Variants in RBFOX1 observed in about 807,000 individuals in gnomAD.
RBFOX1 encodes the protein RNA binding fox-1 homolog 1.
In RBFOX1, 8 loss-of-function variants were observed where a neutral mutation model predicts 57.7. That is an observed-to-expected ratio of 0.14 (90% CI 0.08 to 0.25). The LOEUF (loss-of-function observed/expected upper bound fraction) is 0.25, where lower values mean the gene tolerates loss of function less well. Among genes scored for constraint, RBFOX1 ranks in the 10% least tolerant of loss-of-function variants. The pLI is 1.00. For missense variants in RBFOX1, 611 were observed against 548.5 expected (o/e 1.11, Z -1.14); for synonymous variants, 326 against 222.4 (o/e 1.47, Z -4.15).
chr16:6,955,685 G>T (rs539502472), intron 3 of RBFOX1, among the ~76,000 whole-genome samples: 46 of 100,592 alleles, frequency 4.6e-4, no homozygotes, highest in African/African-American at 1.5e-3. Flanking sequence ...ATTTAGGTAT[G>T]TATGTATTTA....
intron 1 of RBFOX1, among the ~76,000 whole-genome samples, chr16:6,282,712 G>A (rs1391845497): frequency 1.3e-5 from 2 of 152,084 alleles, no homozygotes; most frequent in African/African-American, 4.8e-5. Context: ...CAAAGGACAG[G>A]AACTCATTCC....
At chr16:5,874,814 G>A (rs2057563390) in intron 4 of RBFOX1, among the ~76,000 whole-genome samples, 1 of 152,074 alleles carries the variant, frequency 6.6e-6, no homozygotes, top group Non-Finnish European at 1.5e-5. Flanking sequence ...GCAATGTGGT[G>A]CACACCTGTA....
chr16:7,486,625 A>G (rs920878435), intron 4 of RBFOX1, among the ~76,000 whole-genome samples: 2 of 152,142 alleles, frequency 1.3e-5, no homozygotes, highest in African/African-American at 2.4e-5. Flanking sequence ...TCCAGTTCAC[A>G]TGACGAGCTC....
intron 3 of RBFOX1, among the ~76,000 whole-genome samples, chr16:6,946,119 C>T (rs960197000): frequency 6.6e-6 from 1 of 152,188 alleles, no homozygotes; most frequent in African/African-American, 2.4e-5. Flanking sequence ...ATAAATAACC[C>T]AGTTTTCCTT....
intron 3 of RBFOX1, among the ~76,000 whole-genome samples, chr16:6,883,266 C>G (rs1432130030): frequency 2.0e-5 from 3 of 152,004 alleles, no homozygotes; most frequent in African/African-American, 4.8e-5. Flanking sequence ...TAAAGTTGTC[C>G]TAGACCTTCT....
intron 4 of RBFOX1, among the ~76,000 whole-genome samples, chr16:7,198,755 G>A (rs79863688): frequency 4.6e-5 from 7 of 152,194 alleles, no homozygotes; most frequent in Non-Finnish European, 7.3e-5. Context: ...TGGAGTTCTC[G>A]TAATCTAATC....
intron 3 of RBFOX1, among the ~76,000 whole-genome samples, chr16:6,673,352 C>T (rs959735941): frequency 6.6e-6 from 1 of 152,042 alleles, no homozygotes; most frequent in African/African-American, 2.4e-5. Flanking sequence ...CTTTGGGAGG[C>T]CTAGGTGGGT....
intron 3 of RBFOX1, among the ~76,000 whole-genome samples, chr16:7,009,282 T>C (rs1256663448): frequency 6.8e-6 from 1 of 147,370 alleles, no homozygotes; most frequent in African/African-American, 2.5e-5. Context: ...TTCTCTCTTT[T>C]CTCTCTCACT....
chr16:6,813,061 C>G (rs12924310), intron 3 of RBFOX1, among the ~76,000 whole-genome samples: 53,409 of 151,588 alleles, frequency 0.35, 10,377 homozygotes, highest in Non-Finnish European at 0.44. Context: ...TCAAACAATG[C>G]TGATGTATAT....
chr16:6,759,853 CA>C (rs986495215), intron 3 of RBFOX1, among the ~76,000 whole-genome samples: 2 of 152,068 alleles, frequency 1.3e-5, no homozygotes, highest in African/African-American at 4.8e-5. Context: ...GAAAATTACC[CA>C]AATGGCCTAT....
intron 4 of RBFOX1, among the ~76,000 whole-genome samples, chr16:7,219,244 G>A (rs1436570714): frequency 2.0e-5 from 3 of 152,140 alleles, no homozygotes; most frequent in African/African-American, 7.2e-5. Flanking sequence ...ACACCACAGG[G>A]AAAAGTAAAA....
intron 3 of RBFOX1, among the ~76,000 whole-genome samples, chr16:6,788,293 C>T (rs916191435): frequency 6.6e-6 from 1 of 151,874 alleles, no homozygotes; most frequent in African/African-American, 2.4e-5. Flanking sequence ...ATAGGATGTC[C>T]CTTTTCCAAA....
chr16:5,928,411 G>C (rs988529607), intron 4 of RBFOX1, among the ~76,000 whole-genome samples: 38 of 132,930 alleles, frequency 2.9e-4, no homozygotes, highest in African/African-American at 1.0e-3. Flanking sequence ...TTCTCGCCAT[G>C]AAAAAAAAAA....
At chr16:6,826,645 C>A (rs1471667228) in intron 3 of RBFOX1, among the ~76,000 whole-genome samples, 3 of 152,052 alleles carry the variant, frequency 2.0e-5, no homozygotes, top group African/African-American at 7.2e-5. Context: ...TAAAAACCTT[C>A]CTTTTTTTCT....
chr16:7,456,469 C>T (rs143109295), intron 4 of RBFOX1, among the ~76,000 whole-genome samples: 2 of 152,350 alleles, frequency 1.3e-5, no homozygotes, highest in Non-Finnish European at 2.9e-5. Context: ...CAAGACAGGA[C>T]GTGCCTCTCC....
chr16:5,841,198 C>G (rs1020773150), intron 3 of RBFOX1, among the ~76,000 whole-genome samples: 10 of 152,170 alleles, frequency 6.6e-5, no homozygotes, highest in African/African-American at 2.2e-4. Flanking sequence ...GTACTGTTAT[C>G]ACCACCAATC....
chr16:5,528,223 A>G (rs2342434), intron 2 of RBFOX1, among the ~76,000 whole-genome samples: 117,384 of 152,050 alleles, frequency 0.77, 46,356 homozygotes, highest in East Asian at 0.99. Context: ...CCACAGAGGC[A>G]TTCCTTTGTG....
At chr16:7,074,764 C>T (rs965917153) in intron 4 of RBFOX1, among the ~76,000 whole-genome samples, 4 of 152,080 alleles carry the variant, frequency 2.6e-5, no homozygotes, top group Non-Finnish European at 5.9e-5. Context: ...AAAATTATAC[C>T]TGAAAACATT....
At chr16:6,891,863 C>A (rs1171721658) in intron 3 of RBFOX1, among the ~76,000 whole-genome samples, 1 of 152,180 alleles carries the variant, frequency 6.6e-6, no homozygotes, top group Non-Finnish European at 1.5e-5. Context: ...TAGTGGACAG[C>A]AAGGCCAGCA....
Sources: gnomAD v4.1 joint callset for allele counts (sites outside exome capture counted in the v4.1 genomes callset) on GRCh38, gnomAD v4.1.1 for gene constraint, MANE v1.5 for transcripts, NCBI Gene and HGNC (gene_info 2026-07-23, HGNC 2026-07-21) for gene names.